Variants in CCDC150 observed in about 807,000 individuals in gnomAD.
CCDC150 encodes coiled-coil domain containing 150.
A neutral mutation model predicts 156.5 loss-of-function variants in CCDC150; 151 were observed. The ratio of observed to expected loss-of-function variants is 0.97; its 90% CI spans 0.85 to 1.10. The LOEUF (loss-of-function observed/expected upper bound fraction) is 1.10. Among genes scored for constraint, CCDC150 ranks in the 50% least tolerant of loss-of-function variants. The pLI is 0.00. For missense variants in CCDC150, 1,312 were observed against 1,268.1 expected, an observed-to-expected ratio of 1.03 and a Z score of -0.53; for synonymous variants, 452 against 429.4, an observed-to-expected ratio of 1.05 and a Z score of -0.65.
rs1559272317 is a variant in CCDC150 at position 196,718,487 on chromosome 2, CT to C, written c.1867-10del. ...TGATTTGTAATGTTATTTATTGTTT[CT>C]TTTTTCCTACTTAGGTGAAATCTAT... On this transcript the variant is annotated splice_polypyrimidine_tract_variant and intron_variant, in intron 17 of 27. Transcript: ENST00000389175. 1 of 1,578,638 alleles carries C rather than the reference CT, an allele frequency of 6.3e-7. No individual in the cohort carries two copies. The highest frequency in any genetic ancestry group is 8.6e-7 in the Non-Finnish European group (1 of 1,160,200).
intron 6 of CCDC150, among the ~76,000 whole-genome samples, chr2:196,666,467 A>G (rs1693844885): frequency 6.6e-6 from 1 of 152,138 alleles, no homozygotes; most frequent in Non-Finnish European, 1.5e-5. Flanking sequence ...ATTTTTTCAC[A>G]CTAGCCATAT....
At chr2:196,704,661 A>C (rs539613179) in intron 15 of CCDC150, among the ~76,000 whole-genome samples, 1 of 152,060 alleles carries the variant, frequency 6.6e-6, no homozygotes, top group Non-Finnish European at 1.5e-5. Flanking sequence ...TTAACTCATC[A>C]TTTACATTAG....
chr2:196,656,525 AC>A, intron 2 of CCDC150, 107 bp from the exon 3 acceptor site: 1 of 753,142 alleles, frequency 1.3e-6, no homozygotes. Flanking sequence ...TGGTGATGTC[AC>A]TCTCCAATTA....
intron 14 of CCDC150, among the ~76,000 whole-genome samples, chr2:196,700,004 A>G (rs940586593): frequency 2.0e-5 from 3 of 152,226 alleles, no homozygotes; most frequent in African/African-American, 7.2e-5. Flanking sequence ...GGAGATAGTG[A>G]GGAATATCTC....
intron 15 of CCDC150, among the ~76,000 whole-genome samples, chr2:196,702,369 G>GTGTC (rs1696277927): frequency 6.6e-6 from 1 of 151,800 alleles, no homozygotes; most frequent in Non-Finnish European, 1.5e-5. Context: ...GTGTGTGTGT[G>GTGTC]TGTGTGTGAG....
At position 196,665,600 on chromosome 2, in the gene CCDC150, AG is replaced by A. The variant is rs1276203504; in HGVS notation, c.682del (p.Glu228AsnfsTer3). Reference protein sequence around the residue: ...RRQLAQEKYLRESLEKSASAM... With the variant: ...RRQLAQEKYLXESLEKSASAM... The stretch of plus-strand genomic sequence containing the variant: ...ACAACTGGCTCAGGAGAAGTACCTT[AG>A]GGAATCTTTAGAGAAATCAGCATCA... On this transcript the variant is annotated frameshift_variant, in exon 6 of 28. Coordinates refer to ENST00000389175, the MANE Select transcript of CCDC150 (RefSeq NM_001080539.2). LOFTEE classifies it high-confidence loss of function. 1.2e-6 allele frequency: 2 copies of A among 1,605,462 alleles called. No homozygotes were observed. The highest frequency in any genetic ancestry group is 1.7e-6 in the Non-Finnish European group (2 of 1,176,118).
intron 13 of CCDC150, among the ~76,000 whole-genome samples, chr2:196,691,387 C>G (rs952000616): frequency 1.3e-5 from 2 of 152,030 alleles, no homozygotes; most frequent in African/African-American, 2.4e-5. Context: ...TTTCTGAACT[C>G]GTTATTAGTC....
chr2:196,693,442 A>G (rs982837988), intron 13 of CCDC150, among the ~76,000 whole-genome samples: 1 of 152,238 alleles, frequency 6.6e-6, no homozygotes, highest in African/African-American at 2.4e-5. Flanking sequence ...ATTTTAATGA[A>G]ACGTGAATTT....
At chr2:196,732,202 C>G in intron 27 of CCDC150, 50 bp downstream of exon 27, 1 of 1,603,382 alleles carries the variant, frequency 6.2e-7, no homozygotes, top group South Asian at 1.1e-5. Flanking sequence ...TGTTGCTTCT[C>G]AGATTTCTAA....
intron 14 of CCDC150, 114 bp downstream of exon 14, chr2:196,695,273 C>G (rs1420833854): frequency 1.8e-6 from 1 of 556,958 alleles, no homozygotes; most frequent in African/African-American, 1.9e-5. Flanking sequence ...TATTAAAAAT[C>G]TAAGCAGAGA....
intron 27 of CCDC150, 115 bp downstream of exon 27, chr2:196,732,267 T>A (rs1318868869): frequency 7.0e-6 from 9 of 1,291,452 alleles, no homozygotes; most frequent in Non-Finnish European, 9.8e-6. Flanking sequence ...TTAGTTTCTT[T>A]AGACTAATGC....
At chr2:196,726,123 C>G (rs993071984) in intron 22 of CCDC150, 24 bp downstream of exon 22, 4 of 1,610,352 alleles carry the variant, frequency 2.5e-6, no homozygotes, top group Middle Eastern at 3.3e-4. Context: ...AAAAGTTTCT[C>G]TTTTGGTGAA....
chr2:196,639,774 G>A lies in CCDC150; in HGVS notation c.8G>A (p.Cys3Tyr). Residue 3 changes from cysteine to tyrosine, a missense_variant, in exon 1 of 28, where the codon TGT (cysteine) becomes TAT (tyrosine). Coordinates refer to ENST00000389175, the MANE Select transcript of CCDC150 (RefSeq NM_001080539.2). Reference protein sequence around the residue: MDCKVHMETTVSR... With the variant: MDYKVHMETTVSR... ...GGAGCCTCAGGCGGACAGATGGACTGTAAGGTGAGGCTGCCGGGCCCCGGG... is the reference window on the plus strand; with the variant it reads ...GGAGCCTCAGGCGGACAGATGGACTATAAGGTGAGGCTGCCGGGCCCCGGG... 2.5e-6 allele frequency: 4 copies of A among 1,580,198 alleles called. No individual in the cohort carries two copies. The highest frequency in any genetic ancestry group is 1.4e-5 in the African/African-American group (1 of 73,806).
intron 25 of CCDC150, among the ~76,000 whole-genome samples, chr2:196,730,412 T>C (rs559910214): frequency 5.9e-5 from 9 of 152,366 alleles, no homozygotes; most frequent in Middle Eastern, 3.4e-3. Flanking sequence ...CTGAATTTCA[T>C]AGCCTTTCAG....
chr2:196,640,285 C>T (rs1033929771), intron 1 of CCDC150, among the ~76,000 whole-genome samples: 10 of 152,162 alleles, frequency 6.6e-5, no homozygotes. Context: ...ATTTCCCAGG[C>T]ACTGTATTAG....
chr2:196,665,136 T>A (rs1693767772), intron 5 of CCDC150, among the ~76,000 whole-genome samples: 1 of 152,156 alleles, frequency 6.6e-6, no homozygotes, highest in African/African-American at 2.4e-5. Context: ...GATACTAGTG[T>A]TTTTCAAACT....
chr2:196,649,123 C>T (rs1044705929), intron 2 of CCDC150, among the ~76,000 whole-genome samples: 4 of 152,088 alleles, frequency 2.6e-5, no homozygotes, highest in African/African-American at 9.7e-5. Context: ...TTTTGGGGGT[C>T]TTTTGTGGTT....
At position 196,728,558 on chromosome 2, in the gene CCDC150, GT is replaced by G. The variant is rs555353851; in HGVS notation, c.2557-626del. On this transcript the variant is annotated intron_variant, in intron 22 of 27. Coordinates refer to ENST00000389175, the MANE Select transcript of CCDC150 (RefSeq NM_001080539.2). Reference sequence around the variant, plus strand: ...AAATTATTTAAGTAACTACTATGCAGTTTTTTTTTCACGAGAGAAGTTTATT... The same window carrying G: ...AAATTATTTAAGTAACTACTATGCAGTTTTTTTTCACGAGAGAAGTTTATT... Among the ~76,000 whole-genome samples, 6 of 151,140 alleles carry G rather than the reference GT, an allele frequency of 4.0e-5. No individual in the cohort carries two copies. The South Asian group carries it at 8.4e-4, about 21-fold the overall frequency.
At chr2:196,670,781 G>A in intron 8 of CCDC150, among the ~76,000 whole-genome samples, 1 of 152,036 alleles carries the variant, frequency 6.6e-6, no homozygotes, top group East Asian at 1.9e-4. Context: ...GTATATTTAG[G>A]CTATGGTTTT....
Sources: gnomAD v4.1 joint callset for allele counts (sites outside exome capture counted in the v4.1 genomes callset) on GRCh38, gnomAD v4.1.1 for gene constraint, MANE v1.5 for transcripts, NCBI Gene and HGNC (gene_info 2026-07-23, HGNC 2026-07-21) for gene names.